SHANK1: variants seen among roughly 807,000 people sequenced by gnomAD.
The protein encoded by SHANK1 is SH3 and multiple ankyrin repeat domains protein 1.
In SHANK1, 35 loss-of-function variants were observed where a neutral mutation model predicts 165.6. The observed-to-expected ratio is 0.21, with a 90% CI of 0.16 to 0.28. The LOEUF is 0.28. Among genes scored for constraint, SHANK1 ranks in the 10% least tolerant of loss-of-function variants. SHANK1 has a pLI of 1.00. For synonymous variants in SHANK1, 1,428 were observed against 1,384.8 expected, an observed-to-expected ratio of 1.03 and a Z score of -0.69; for missense variants, 2,681 against 3,036.4, an observed-to-expected ratio of 0.88 and a Z score of 2.75.
Position 50,662,810 on chromosome 19 carries a change from AG to A in SHANK1, c.5769-129del, listed in dbSNP as rs1985319039. 1 of 931,870 alleles carries A rather than the reference AG, an allele frequency of 1.1e-6. No individual in the cohort carries two copies. Among genetic ancestry groups the A allele is most frequent in the Non-Finnish European group, 1.6e-6 (1 of 622,370 alleles). The allele number at this position is 931,870 out of a possible 1,614,324, so 57.7% of individuals were successfully genotyped here. A position where few individuals can be genotyped will look rare whatever the true frequency, so the allele number is the denominator to read the frequency against. ...GACATAAGGGTAGGGGGAGAGACGG[AG>A]GAGAGACGGGAAGAAATGGAGGGAG... is the stretch of plus-strand genomic sequence containing the variant. On this transcript the variant is annotated intron_variant, in intron 23 of 23. Transcript: ENST00000293441. This position sits in a 1 kb window ranked among gnomAD's most constrained non-coding sequence, Gnocchi z 7.7.
chr19:50,686,927 G>T lies in SHANK1; in HGVS notation c.2390-115C>A. ...GCCAGTGGGCGTGGCGGGCGCGAGA[G>T]GGGCAGTGAGGGGCCGGGGTCAGGG... On this transcript the variant is annotated intron_variant, in intron 19 of 23. Transcript: ENST00000293441. This position sits in a 1 kb window ranked among gnomAD's most constrained non-coding sequence, Gnocchi z 5.7. The T allele has an allele frequency of 1.5e-6, 2 of 1,368,088 alleles. No homozygotes were observed. The highest frequency in any genetic ancestry group is 2.7e-5 in the Admixed American group (1 of 37,416). 84.7% of individuals were successfully genotyped at this position (1,368,088 alleles called of 1,614,324 possible).
chr19:50,699,504 G>A (rs1986837946), intron 12 of SHANK1, among the ~76,000 whole-genome samples: 2 of 152,192 alleles, frequency 1.3e-5, no homozygotes, highest in South Asian at 4.1e-4. Flanking sequence ...TGACACATAG[G>A]TTGAGACCTG....
At chr19:50,711,171 G>A in intron 8 of SHANK1, 200 bp downstream of exon 8, 1 of 534,574 alleles carries the variant, frequency 1.9e-6, no homozygotes, top group Admixed American at 3.2e-5. Context: ...GAGGAGCTCA[G>A]TAAATATCTG....
At position 50,661,775 on chromosome 19, in the gene SHANK1, C is replaced by T; in HGVS notation, c.*190G>A. The T allele has an allele frequency of 3.3e-6, 2 of 613,570 alleles. No individual in the cohort carries two copies. The highest frequency in any genetic ancestry group is 5.7e-6 in the Non-Finnish European group (2 of 348,468). 38.0% of individuals were successfully genotyped at this position (613,570 alleles called of 1,614,324 possible). The stretch of plus-strand genomic sequence containing the variant: ...CACACACTCTTGTGTCAGCTGCCCC[C>T]CTTCAGTGAGGTGCAAATGTCCGGC... On this transcript the variant is annotated 3_prime_UTR_variant, in exon 24 of 24. Transcript: ENST00000293441.
chr19:50,696,726 A>T (rs953903510), intron 15 of SHANK1, among the ~76,000 whole-genome samples: 3 of 152,106 alleles, frequency 2.0e-5, no homozygotes, highest in Non-Finnish European at 4.4e-5. Context: ...ACGCACAGTG[A>T]CATGCACAGA....
chr19:50,672,425 G>A (rs1178506365), intron 21 of SHANK1, among the ~76,000 whole-genome samples: 2 of 151,926 alleles, frequency 1.3e-5, no homozygotes, highest in Non-Finnish European at 2.9e-5. Flanking sequence ...GCAGGCGCCT[G>A]TAATCCCAGC....
chr19:50,665,967 C>A (rs1050860981), intron 23 of SHANK1, among the ~76,000 whole-genome samples: 14 of 148,176 alleles, frequency 9.4e-5, no homozygotes, highest in African/African-American at 3.3e-4. Context: ...GCCGAGATCA[C>A]GCCATTGCAC....
At chr19:50,719,066 G>A (rs1012944339) in intron 1 of SHANK1, among the ~76,000 whole-genome samples, 2 of 151,456 alleles carry the variant, frequency 1.3e-5, no homozygotes, top group Admixed American at 6.6e-5. Context: ...CAGGGAGGGC[G>A]AGGCGGGGGA....
chr19:50,708,225 G>C (rs2088968663), intron 8 of SHANK1, among the ~76,000 whole-genome samples: 1 of 152,070 alleles, frequency 6.6e-6, no homozygotes, highest in African/African-American at 2.4e-5. Flanking sequence ...GATTACAGGT[G>C]TGAGGCACCG....
In SHANK1 at chr19:50,686,620, T is replaced by G. The variant is rs1454270084; in HGVS notation, c.2458+124A>C. The G allele has an allele frequency of 2.2e-5, 19 of 849,732 alleles. No individual in the cohort carries two copies. Among genetic ancestry groups the G allele is most frequent in the African/African-American group, 5.6e-5 (3 of 53,156 alleles). 52.6% of individuals were successfully genotyped at this position (849,732 alleles called of 1,614,324 possible). Reference sequence around the variant, plus strand: ...AGAGGGCGGGCGGAGGGAGGGGAGGTGGGATCGCAGCCTCTCTGGGGCAGG... The same window carrying G: ...AGAGGGCGGGCGGAGGGAGGGGAGGGGGGATCGCAGCCTCTCTGGGGCAGG... On this transcript the variant is annotated intron_variant, in intron 20 of 23. Transcript: ENST00000293441. This position sits in a 1 kb window ranked among gnomAD's most constrained non-coding sequence, Gnocchi z 5.7.
rs1986329922 is a variant in SHANK1 at position 50,686,258 on chromosome 19, G to C, written c.2556C>G (p.Pro852=). The C allele has an allele frequency of 6.2e-7, 1 of 1,603,528 alleles. No individual in the cohort carries two copies. Among genetic ancestry groups the C allele is most frequent in the African/African-American group, 1.3e-5 (1 of 74,456 alleles). ...GGLASLGKHR[P]KGFFATESSF... is the part of the protein sequence containing the mutation. ...CTACCTCAGTGGCAAAGAAACCTTT[G>C]GGTCGGTGTTTGCCCAGGGACGCGA... The change falls in exon 21 of 24, where the codon CCC becomes CCG. Residue 852 remains proline (P), a synonymous_variant. Transcript: ENST00000293441. This position sits in a 1 kb window ranked among gnomAD's most constrained non-coding sequence, Gnocchi z 5.7.
At chr19:50,681,534 G>T (rs538401139) in intron 21 of SHANK1, among the ~76,000 whole-genome samples, 1 of 152,140 alleles carries the variant, frequency 6.6e-6, no homozygotes, top group Admixed American at 6.5e-5. Context: ...GCTCTTGACT[G>T]TCCTGTAACT....
At chr19:50,691,858 T>TC (rs1986548406) in intron 15 of SHANK1, among the ~76,000 whole-genome samples, 1 of 151,964 alleles carries the variant, frequency 6.6e-6, no homozygotes, top group South Asian at 2.1e-4. Flanking sequence ...AAAAATCTTT[T>TC]TTTTTGGTAG....
chr19:50,714,606 G>A (rs1477301929), intron 4 of SHANK1, among the ~76,000 whole-genome samples: 1 of 149,360 alleles, frequency 6.7e-6, no homozygotes, highest in Non-Finnish European at 1.5e-5. Flanking sequence ...GAGCTGGAAG[G>A]ATCCTTTGAA....
rs372929923 is a variant in SHANK1, at chr19:50,662,236, G to A, written c.6215C>T (p.Ala2072Val). The A allele has an allele frequency of 5.6e-6, 9 of 1,610,156 alleles. No individual in the cohort carries two copies. Among genetic ancestry groups the A allele is most frequent in the South Asian group, 2.2e-5 (2 of 90,730 alleles). Residue 2072 changes from alanine (A) to valine (V), a missense_variant, in exon 24 of 24, where the codon GCC becomes GTC. Physicochemically the swap from Ala to Val is moderately conservative, Grantham distance 64 (BLOSUM62 0). Around this residue, in one of 10 missense-constraint regions of SHANK1, gnomAD observed 1,713 missense variants for 1,630.2 expected, o/e 1.05. Coordinates refer to ENST00000293441, the MANE Select transcript of SHANK1 (RefSeq NM_016148.5). The surrounding 1 kb of genome is among the most constrained non-coding windows in gnomAD (Gnocchi z 7.7). ...SGGLGGALSG[A>V]SRSLSPTRLL... ...GCGGGTCGGTGAGAGGGAGCGCGAG[G>A]CCCCTGACAAGGCTCCCCCGAGCCC...
In SHANK1 at chr19:50,703,484, G is replaced by C; in HGVS notation, c.1553+16C>G. On this transcript the variant is annotated intron_variant, in intron 11 of 23. Transcript: ENST00000293441. ...GACGGGGCTGGGGACTGTGGAGCCA[G>C]GGCTGCCTCCCCTACCTGGGCCGGC... is the stretch of plus-strand genomic sequence containing the variant. 6.5e-7 allele frequency: 1 copy of C among 1,532,238 alleles called. No individual in the cohort carries two copies. The highest frequency in any genetic ancestry group is 8.7e-7 in the Non-Finnish European group (1 of 1,144,178). The allele number at this position is 1,532,238 out of a possible 1,614,324, so 94.9% of individuals were successfully genotyped here.
At position 50,660,594 on chromosome 19, in the gene SHANK1, CA is replaced by C. The variant is rs1985163334; in HGVS notation, c.*1370del. On this transcript the variant is annotated 3_prime_UTR_variant, in exon 24 of 24. Coordinates refer to ENST00000293441, the MANE Select transcript of SHANK1 (RefSeq NM_016148.5). ...GAGTGCATGGAATGAGATGAGTGTG[CA>C]AAAGGAAAGAAGTGGTAGAGCTCTC... is the stretch of plus-strand genomic sequence containing the variant. Among the ~76,000 whole-genome samples, 2 of 151,372 alleles carry C rather than the reference CA, an allele frequency of 1.3e-5. No homozygotes were observed. Among genetic ancestry groups the C allele is most frequent in the Non-Finnish European group, 1.5e-5 (1 of 67,942 alleles).
chr19:50,673,116 C>T (rs1985858022), intron 21 of SHANK1, among the ~76,000 whole-genome samples: 2 of 152,240 alleles, frequency 1.3e-5, no homozygotes, highest in South Asian at 2.1e-4. Flanking sequence ...TGGACGGATA[C>T]GGAGGCCCGA....
In SHANK1 at chr19:50,717,766, C is replaced by A. The variant is rs1278690189; in HGVS notation, c.-43-804G>T. ...GGTAGATGTGGGTGGCTGCAGATGA[C>A]CTGTAGCTCTTTTCTAGGACTGCAG... is the stretch of plus-strand genomic sequence containing the variant. On this transcript the variant is annotated intron_variant, in intron 1 of 23. Coordinates refer to ENST00000293441, the MANE Select transcript of SHANK1 (RefSeq NM_016148.5). The surrounding 1 kb of genome is among the most constrained non-coding windows in gnomAD (Gnocchi z 5.5). Among the ~76,000 whole-genome samples, 1 of 151,802 alleles carries A rather than the reference C, an allele frequency of 6.6e-6. No homozygotes were observed. Among genetic ancestry groups the A allele is most frequent in the Non-Finnish European group, 1.5e-5 (1 of 67,950 alleles).
Sources: gnomAD v4.1 joint callset for allele counts (sites outside exome capture counted in the v4.1 genomes callset) on GRCh38, gnomAD v4.1.1 for gene constraint, gnomAD v4.1.1 regional missense constraint, Gnocchi (gnomAD v3.1) non-coding constraint, MANE v1.5 for transcripts, NCBI Gene and HGNC (gene_info 2026-07-23, HGNC 2026-07-21) for gene names.